The following ATP8A2 variants were observed in gnomAD, a reference collection of about 807,000 sequenced individuals.
ATP8A2 encodes ATPase phospholipid transporting 8A2.
A neutral mutation model predicts 165.6 loss-of-function variants in ATP8A2; 100 were observed. That is an observed-to-expected ratio of 0.60 (90% confidence interval 0.51 to 0.71). ATP8A2 has a LOEUF of 0.71. Ranked by LOEUF, ATP8A2 falls within the 30% of genes least tolerant of loss-of-function variation. ATP8A2 has a pLI of 0.00. For missense variants in ATP8A2, 1,227 were observed against 1,479.5 expected (o/e 0.83, Z 2.80); for synonymous variants, 543 against 548.8 (o/e 0.99, Z 0.15).
At chr13:25,563,409 C>CA (rs35264699) in intron 15 of ATP8A2, among the ~76,000 whole-genome samples, 101,640 of 149,658 alleles carry the variant, frequency 0.68, 35,351 homozygotes, top group Middle Eastern at 0.73. Flanking sequence ...AATTTCATCT[C>CA]AAAAAAAAAA....
chr13:25,747,181 A>G (rs1012989441), intron 25 of ATP8A2, among the ~76,000 whole-genome samples: 4 of 152,256 alleles, frequency 2.6e-5, no homozygotes, highest in Admixed American at 2.6e-4. Context: ...GGATCAGTAG[A>G]AACTTAGGTC....
chr13:25,994,278 A>G (rs1403104822), intron 35 of ATP8A2, among the ~76,000 whole-genome samples: 1 of 152,020 alleles, frequency 6.6e-6, no homozygotes, highest in Non-Finnish European at 1.5e-5. Flanking sequence ...GTGCATATAT[A>G]TGTATTTCTT....
intron 33 of ATP8A2, among the ~76,000 whole-genome samples, chr13:25,951,358 C>T (rs767245449): frequency 2.0e-5 from 3 of 152,168 alleles, no homozygotes; most frequent in Non-Finnish European, 2.9e-5. Flanking sequence ...ATCTCAGAGA[C>T]ATCATGTTGA....
intron 4 of ATP8A2, 119 bp from the exon 5 acceptor site, chr13:25,532,153 G>A: frequency 1.3e-6 from 1 of 768,300 alleles, no homozygotes; most frequent in Non-Finnish European, 2.2e-6. Context: ...TTTACAGCAT[G>A]AGCATTATTG....
At chr13:25,659,566 G>A (rs776691732) in intron 24 of ATP8A2, among the ~76,000 whole-genome samples, 1 of 152,208 alleles carries the variant, frequency 6.6e-6, no homozygotes, top group Non-Finnish European at 1.5e-5. Context: ...TGAAGGCAGA[G>A]CAAAGATGTA....
chr13:25,860,539 G>A (rs1952317090), intron 31 of ATP8A2, among the ~76,000 whole-genome samples: 2 of 152,172 alleles, frequency 1.3e-5, no homozygotes, highest in Admixed American at 6.5e-5. Flanking sequence ...ACTCAGGAAG[G>A]TGGTATCTCC....
intron 33 of ATP8A2, among the ~76,000 whole-genome samples, chr13:25,925,567 C>G (rs1954579373): frequency 6.6e-6 from 1 of 151,476 alleles, no homozygotes; most frequent in Non-Finnish European, 1.5e-5. Context: ...GTAGATGGGT[C>G]TCCTTCTTGA....
At chr13:25,414,864 A>G (rs994393731) in intron 1 of ATP8A2, among the ~76,000 whole-genome samples, 1 of 152,170 alleles carries the variant, frequency 6.6e-6, no homozygotes, top group African/African-American at 2.4e-5. Context: ...TGCTCACCCC[A>G]TAACCCAGCT....
chr13:25,572,960 T>C (rs7986574), intron 18 of ATP8A2, among the ~76,000 whole-genome samples: 8,030 of 152,266 alleles, frequency 0.053, 277 homozygotes, highest in South Asian at 0.13. Context: ...TATTGGCATC[T>C]TCAGTTTCTT....
chr13:25,426,008 C>T (rs1469845942), intron 1 of ATP8A2, among the ~76,000 whole-genome samples: 2 of 152,146 alleles, frequency 1.3e-5, no homozygotes, highest in Admixed American at 1.3e-4. Flanking sequence ...TATCCACTCA[C>T]CTACTGGAGG....
At chr13:25,536,523 T>A (rs114503278) in intron 6 of ATP8A2, among the ~76,000 whole-genome samples, 307 of 152,340 alleles carry the variant, frequency 2.0e-3, no homozygotes, top group African/African-American at 6.5e-3. Flanking sequence ...GACACTTTAA[T>A]AAACAACTTA....
chr13:25,524,919 C>CTTCCTTCCTTCCTTCT (rs2037791993), intron 2 of ATP8A2, among the ~76,000 whole-genome samples: 1 of 147,908 alleles, frequency 6.8e-6, no homozygotes, highest in Non-Finnish European at 1.5e-5. Flanking sequence ...TCCTTCCTTC[C>CTTCCTTCCTTCCTTCT]TTCCTTCCTT....
chr13:25,708,541 A>G (rs1438526892), intron 25 of ATP8A2, among the ~76,000 whole-genome samples: 2 of 152,122 alleles, frequency 1.3e-5, no homozygotes, highest in Non-Finnish European at 2.9e-5. Context: ...TGAATTATCA[A>G]TGCTTTCCCT....
chr13:25,697,266 C>A (rs578261410), intron 24 of ATP8A2, among the ~76,000 whole-genome samples: 10 of 139,122 alleles, frequency 7.2e-5, no homozygotes, highest in Non-Finnish European at 1.5e-4. Flanking sequence ...AGGGAAAATT[C>A]TTTTGTTGTT....
At chr13:25,547,617 A>G (rs12867167) in intron 10 of ATP8A2, among the ~76,000 whole-genome samples, 10,316 of 152,232 alleles carry the variant, frequency 0.068, 449 homozygotes, top group African/African-American at 0.11. Context: ...TAAGAGTAAT[A>G]GAATTAAAGT....
intron 1 of ATP8A2, among the ~76,000 whole-genome samples, chr13:25,415,990 G>C (rs903335126): frequency 6.6e-6 from 1 of 152,028 alleles, no homozygotes; most frequent in Non-Finnish European, 1.5e-5. Flanking sequence ...CACCACTCTG[G>C]CTATTTTTAA....
chr13:25,555,306 GAAGT>G (rs1330683998), intron 13 of ATP8A2, among the ~76,000 whole-genome samples: 1 of 151,668 alleles, frequency 6.6e-6, no homozygotes, highest in East Asian at 1.9e-4. Flanking sequence ...AAAAAAAAAA[GAAGT>G]AATATAAAAA....
rs1336615167 is a variant in ATP8A2, at chr13:25,551,470, C to T, written c.1024C>T (p.His342Tyr). 1.2e-6 allele frequency: 2 copies of T among 1,612,582 alleles called. No individual in the cohort carries two copies. The highest frequency in any genetic ancestry group is 1.1e-5 in the South Asian group (1 of 90,908). ...SAGALYWNRS[H>Y]GEKNWYIKKM... ...GGGGGCCCTGTACTGGAACAGGTCT[C>T]ATGGTGAAAAGAACTGGTACATCAA... Residue 342 changes from histidine (H) to tyrosine (Y), a missense_variant, in exon 11 of 37, where the codon CAT (histidine) becomes TAT (tyrosine). Physicochemically the swap from His to Tyr is moderately conservative, Grantham distance 83. This residue lies in a region of ATP8A2 where 592 missense variants were observed against 785.6 expected (regional missense o/e 0.75). Transcript: ENST00000381655.
chr13:25,454,177 G>A (rs182097235), intron 1 of ATP8A2, among the ~76,000 whole-genome samples: 6 of 152,284 alleles, frequency 3.9e-5, no homozygotes, highest in Non-Finnish European at 7.4e-5. Flanking sequence ...TTGGCTCCCT[G>A]TGTTGTTTGT....
Sources: allele counts gnomAD v4.1 joint callset (sites outside exome capture counted in the v4.1 genomes callset), GRCh38; gene constraint gnomAD v4.1.1; regional missense constraint gnomAD v4.1.1; transcripts MANE v1.5; gene names NCBI Gene and HGNC (gene_info 2026-07-23, HGNC 2026-07-21).